Variants in ASAP1 observed in about 807,000 individuals in gnomAD.
ASAP1 encodes ArfGAP with SH3 domain, ankyrin repeat and PH domain 1.
In ASAP1, 43 loss-of-function variants were observed where a neutral mutation model predicts 145.2. The ratio of observed to expected loss-of-function variants is 0.30; its 90% CI spans 0.23 to 0.38. ASAP1 has a LOEUF of 0.38. Among genes scored for constraint, ASAP1 ranks in the 10% least tolerant of loss-of-function variants. The pLI is 1.00. For missense variants in ASAP1, 1,018 were observed against 1,355.3 expected (o/e 0.75, Z 3.91); for synonymous variants, 546 against 515.5 (o/e 1.06, Z -0.80).
At chr8:130,134,413 T>A in intron 14 of ASAP1, 69 bp from the exon 15 acceptor site, 1 of 1,006,194 alleles carries the variant, frequency 9.9e-7, no homozygotes, top group Non-Finnish European at 1.4e-6. Context: ...CAACACAGAT[T>A]TAAGTTCCTG....
chr8:130,141,430 C>A (rs2097610815), intron 13 of ASAP1, among the ~76,000 whole-genome samples: 1 of 152,170 alleles, frequency 6.6e-6, no homozygotes, highest in African/African-American at 2.4e-5. Flanking sequence ...TCAATCAGCA[C>A]CTCCTCAGAG....
chr8:130,362,112 G>A (rs1400523755), intron 2 of ASAP1, among the ~76,000 whole-genome samples: 2 of 152,184 alleles, frequency 1.3e-5, no homozygotes, highest in African/African-American at 4.8e-5. Flanking sequence ...TGGCGCTAAC[G>A]ACCCACTTGC....
chr8:130,258,563 A>C (rs1357794584), intron 3 of ASAP1, among the ~76,000 whole-genome samples: 1 of 152,192 alleles, frequency 6.6e-6, no homozygotes. Flanking sequence ...CTTGGTCTGC[A>C]TTCAGGCTCT....
Position 130,112,367 on chromosome 8 carries a change from C to T in ASAP1, c.2173-45G>A, listed in dbSNP as rs778719422. ...GGTGAGATAATAATCAAGGACCACC[C>T]TTCATGTGTACAGAGGGCCTCCGCA... On this transcript the variant is annotated intron_variant, in intron 23 of 29. Coordinates refer to ENST00000518721, the MANE Select transcript of ASAP1 (RefSeq NM_018482.4). The T allele has an allele frequency of 8.9e-6, 14 of 1,570,960 alleles. 1 individual carries two copies. The Middle Eastern group carries it at 5.0e-4, about 57-fold the overall frequency.
rs893069620 is a variant in ASAP1 at position 130,164,306 on chromosome 8, C to G, written c.909+3230G>C. 1.3e-4 allele frequency among the ~76,000 whole-genome samples: 20 copies of G among 152,124 alleles called. 1 individual carries two copies. Among genetic ancestry groups the G allele is most frequent in the Admixed American group, 6.6e-5 (1 of 15,264 alleles). ...ATCACCATTTAAAATACTTTCAGGCCAGGCGCAGTAGCTCATGCCTGTAAT... is the reference window on the plus strand; with the variant it reads ...ATCACCATTTAAAATACTTTCAGGCGAGGCGCAGTAGCTCATGCCTGTAAT... On this transcript the variant is annotated intron_variant, in intron 11 of 29. Coordinates refer to ENST00000518721, the MANE Select transcript of ASAP1 (RefSeq NM_018482.4).
intron 3 of ASAP1, among the ~76,000 whole-genome samples, chr8:130,304,667 C>A (rs1822884723): frequency 6.6e-6 from 1 of 152,186 alleles, no homozygotes; most frequent in African/African-American, 2.4e-5. Context: ...CAATTTTACA[C>A]AGGAAGTACA....
intron 9 of ASAP1, among the ~76,000 whole-genome samples, chr8:130,177,721 T>C (rs1239349707): frequency 6.6e-6 from 1 of 152,218 alleles, no homozygotes; most frequent in East Asian, 1.9e-4. Context: ...ATCAAATTTA[T>C]GTAAACAACA....
chr8:130,196,049 A>C (rs1332906873), intron 5 of ASAP1, among the ~76,000 whole-genome samples: 3 of 152,252 alleles, frequency 2.0e-5, no homozygotes, highest in Non-Finnish European at 4.4e-5. Flanking sequence ...AGGAATCAAG[A>C]AGCAGTTGTA....
chr8:130,115,867 C>T (rs1016221526), intron 22 of ASAP1, 132 bp from the exon 23 acceptor site: 3 of 680,752 alleles, frequency 4.4e-6, no homozygotes, highest in South Asian at 1.8e-5. Context: ...ATAGGCAACA[C>T]TCTGCTTAGA....
chr8:130,197,775 T>C (rs536237880), intron 5 of ASAP1, among the ~76,000 whole-genome samples: 4 of 152,174 alleles, frequency 2.6e-5, no homozygotes, highest in East Asian at 1.9e-4. Flanking sequence ...TCCTTGTCTA[T>C]GAGAAACGTC....
At position 130,138,836 on chromosome 8, in the gene ASAP1, C is replaced by CAAA. The variant is rs754901058; in HGVS notation, c.1081-1801_1081-1799dup. ...GGGCAACAAGAGTGAAACTCCGTCT[C>CAAA]AAAAAAAAAAAAAAAAAAGAAAACA... On this transcript the variant is annotated intron_variant, in intron 13 of 29. Coordinates refer to ENST00000518721, the MANE Select transcript of ASAP1 (RefSeq NM_018482.4). Among the ~76,000 whole-genome samples the CAAA allele has an allele frequency of 8.9e-3, 728 of 81,400 alleles. 4 individuals carry two copies. The highest frequency in any genetic ancestry group is 0.01 in the Non-Finnish European group (406 of 40,188). 53.4% of individuals were successfully genotyped at this position (81,400 alleles called of 152,430 possible).
chr8:130,420,655 AGG>A (rs1829682789), intron 1 of ASAP1, among the ~76,000 whole-genome samples: 1 of 152,112 alleles, frequency 6.6e-6, no homozygotes, highest in Admixed American at 6.5e-5. Context: ...GCACTGTGGG[AGG>A]CCGAGGCAGA....
At chr8:130,070,747 T>C (rs2097441365) in intron 27 of ASAP1, among the ~76,000 whole-genome samples, 1 of 148,010 alleles carries the variant, frequency 6.8e-6, no homozygotes, top group Non-Finnish European at 1.5e-5. Context: ...AGTTCCACAA[T>C]AAAATGGAAA....
intron 24 of ASAP1, among the ~76,000 whole-genome samples, chr8:130,095,863 C>A (rs1369266212): frequency 6.6e-6 from 1 of 152,148 alleles, no homozygotes; most frequent in African/African-American, 2.4e-5. Flanking sequence ...AGGTGATCCA[C>A]CCACCTCAGA....
At chr8:130,226,042 GC>G (rs1174430332) in intron 4 of ASAP1, among the ~76,000 whole-genome samples, 4 of 133,590 alleles carry the variant, frequency 3.0e-5, no homozygotes, top group African/African-American at 8.0e-5. Context: ...ACCATGCTTG[GC>G]TTTTTTTTTT....
intron 4 of ASAP1, among the ~76,000 whole-genome samples, chr8:130,220,591 C>A (rs1001307506): frequency 1.3e-5 from 2 of 152,134 alleles, no homozygotes. Flanking sequence ...AATCCCAGTA[C>A]TTTGGGAGGC....
intron 3 of ASAP1, among the ~76,000 whole-genome samples, chr8:130,328,282 A>C (rs1824463481): frequency 6.6e-6 from 1 of 152,224 alleles, no homozygotes; most frequent in Non-Finnish European, 1.5e-5. Flanking sequence ...AACCAGGGCC[A>C]AGAGACCAAA....
intron 1 of ASAP1, among the ~76,000 whole-genome samples, chr8:130,420,235 T>TACACACACACACACAC (rs34138357): frequency 2.9e-5 from 4 of 139,318 alleles, no homozygotes; most frequent in African/African-American, 1.1e-4. Context: ...CATAATGAAA[T>TACACACACACACACAC]ACACACACAC....
intron 5 of ASAP1, among the ~76,000 whole-genome samples, chr8:130,191,180 C>T (rs1815115152): frequency 6.6e-6 from 1 of 151,782 alleles, no homozygotes; most frequent in South Asian, 2.1e-4. Context: ...AGAAGAATGG[C>T]AGGAGGGAAC....
Sources: allele counts gnomAD v4.1 joint callset (sites outside exome capture counted in the v4.1 genomes callset), GRCh38; gene constraint gnomAD v4.1.1; transcripts MANE v1.5; gene names NCBI Gene and HGNC (gene_info 2026-07-23, HGNC 2026-07-21).